The following TGM7 variants were observed in gnomAD, a reference collection of about 807,000 sequenced individuals.
TGM7 encodes transglutaminase 7, also known as protein-glutamine gamma-glutamyltransferase Z.
Under a neutral mutation model 79.5 loss-of-function variants are expected in TGM7, and 74 were observed. The ratio of observed to expected loss-of-function variants is 0.93; its 90% confidence interval spans 0.77 to 1.13. The LOEUF (loss-of-function observed/expected upper bound fraction) is 1.13, where lower values mean the gene tolerates loss of function less well. Ranked by LOEUF, TGM7 falls within the 50% of genes most tolerant of loss-of-function variation. TGM7 has a pLI of 0.00. For missense variants in TGM7, 912 were observed against 905.9 expected (o/e 1.01, Z -0.09); for synonymous variants, 354 against 362.5 (o/e 0.98, Z 0.27).
At chr15:43,284,715 C>A (rs1596461153) in intron 7 of TGM7, 99 bp downstream of exon 7, 3 of 1,420,780 alleles carry the variant, frequency 2.1e-6, no homozygotes, top group Non-Finnish European at 3.0e-6. Context: ...ATGCTCAGGG[C>A]AATCTTGCAA....
intron 1 of TGM7, among the ~76,000 whole-genome samples, chr15:43,301,261 G>A (rs1030150138): frequency 6.6e-6 from 1 of 151,896 alleles, no homozygotes; most frequent in African/African-American, 2.4e-5. Flanking sequence ...GGGATTACAG[G>A]CCTGTGCCAC....
In TGM7 at chr15:43,292,946, G is replaced by T; in HGVS notation, c.202C>A (p.Pro68Thr). The T allele has an allele frequency of 6.2e-7, 1 of 1,613,264 alleles. No homozygotes were observed. Among genetic ancestry groups the T allele is most frequent in the Non-Finnish European group, 8.5e-7 (1 of 1,179,872 alleles). Residue 68 changes from proline to threonine, a missense_variant, in exon 3 of 13, where the codon CCG becomes ACG. Transcript: ENST00000452443. The part of the protein sequence containing the change: ...ITFVAETGPK[P>T]SELLGTRATF... Reference sequence around the variant, plus strand: ...GCTCGGGTCCCCAGCAGCTCTGACGGCTTGGGTCCTGTGTAGGAGAGAATG... The same window carrying T: ...GCTCGGGTCCCCAGCAGCTCTGACGTCTTGGGTCCTGTGTAGGAGAGAATG...
chr15:43,301,368 G>C (rs1377242387), intron 1 of TGM7, among the ~76,000 whole-genome samples: 1 of 150,762 alleles, frequency 6.6e-6, no homozygotes, highest in Non-Finnish European at 1.5e-5. Flanking sequence ...GGTGGCTCAT[G>C]CCTGTAATCC....
intron 9 of TGM7, 24 bp downstream of exon 9, chr15:43,281,820 T>A: frequency 6.2e-7 from 1 of 1,609,396 alleles, no homozygotes; most frequent in South Asian, 1.1e-5. Context: ...AAAGCAGCCC[T>A]TTCCCCAAAT....
intron 1 of TGM7, among the ~76,000 whole-genome samples, chr15:43,298,949 ATGATTCCAACT>A (rs1296651688): frequency 6.6e-6 from 1 of 151,994 alleles, no homozygotes; most frequent in Non-Finnish European, 1.5e-5. Context: ...CTCTTATCTG[ATGATTCCAACT>A]TGATTCCAAC....
intron 4 of TGM7, 122 bp downstream of exon 4, chr15:43,291,857 C>A (rs1596463785): frequency 2.9e-6 from 2 of 678,078 alleles, no homozygotes; most frequent in Non-Finnish European, 5.1e-6. Context: ...GCCCCTCACA[C>A]CCTCGCCTGT....
chr15:43,282,048 T>A lies in TGM7; in HGVS notation c.1147A>T (p.Arg383Trp). ...CCGPASVKAI[R>W]EGDVHLAYDT... is the part of the protein sequence containing the mutation. Reference sequence around the variant, plus strand: ...TAGGCCAGGTGGACATCCCCTTCCCTGATGGCCTTCACAGAGGCAGGGCCA... The same window carrying A: ...TAGGCCAGGTGGACATCCCCTTCCCAGATGGCCTTCACAGAGGCAGGGCCA... Residue 383 changes from arginine (R) to tryptophan (W), a missense_variant, in exon 9 of 13, where the codon AGG (arginine) becomes TGG (tryptophan). Arg to Trp is a moderately radical substitution (Grantham distance 101, BLOSUM62 -3). Transcript: ENST00000452443. The A allele has an allele frequency of 6.2e-7, 1 of 1,614,114 alleles. No individual in the cohort carries two copies. Among genetic ancestry groups the A allele is most frequent in the Non-Finnish European group, 8.5e-7 (1 of 1,180,002 alleles).
At chr15:43,279,516 T>G in intron 10 of TGM7, 109 bp downstream of exon 10, 2 of 1,348,608 alleles carry the variant, frequency 1.5e-6, no homozygotes, top group Non-Finnish European at 2.0e-6. Context: ...AATGTGTGTG[T>G]GTTGGAGGAA....
intron 1 of TGM7, among the ~76,000 whole-genome samples, chr15:43,294,313 C>T (rs1596464988): frequency 1.3e-5 from 2 of 152,296 alleles, no homozygotes; most frequent in East Asian, 3.9e-4. Context: ...TGTGTGTGCA[C>T]ACCTGGTACA....
Position 43,281,826 on chromosome 15 carries a change from C to T in TGM7, c.1351+18G>A. On this transcript the variant is annotated intron_variant, in intron 9 of 12. Transcript: ENST00000452443. ...AAGAAGCTTAAAGCAGCCCTTTCCC[C>T]AAATACCCGCCCAGCACCTTCTGGG... is the stretch of plus-strand genomic sequence containing the variant. The T allele has an allele frequency of 6.2e-7, 1 of 1,609,974 alleles. No individual in the cohort carries two copies. The highest frequency in any genetic ancestry group is 8.5e-7 in the Non-Finnish European group (1 of 1,176,488).
Position 43,287,347 on chromosome 15 carries a change from C to T in TGM7, c.798G>A (p.Trp266Ter), listed in dbSNP as rs991623014. 8 of 1,614,092 alleles carry T rather than the reference C, an allele frequency of 5.0e-6. 1 individual carries two copies. The South Asian group carries it at 8.8e-5, about 18-fold the overall frequency. ...WKGSVAILQQ[W>*]SARGGQPVKY... is the part of the protein sequence containing the mutation. ...TCACAGGCTGCCCGCCCCTGGCTGA[C>T]CACTGCTGTAGGATGGCCACACTGC... The change falls in exon 6 of 13, where the codon TGG becomes TGA. Residue 266 changes from tryptophan to a stop codon, truncating the protein, a stop_gained. Transcript: ENST00000452443. LOFTEE classifies it high-confidence loss of function.
chr15:43,298,368 G>A (rs1482484468), intron 1 of TGM7, among the ~76,000 whole-genome samples: 1 of 152,202 alleles, frequency 6.6e-6, no homozygotes, highest in Admixed American at 6.5e-5. Flanking sequence ...CCAAGACGCT[G>A]CTGCTTGATT....
chr15:43,301,860 G>C (rs1161541343), intron 1 of TGM7, among the ~76,000 whole-genome samples: 1 of 152,056 alleles, frequency 6.6e-6, no homozygotes, highest in Non-Finnish European at 1.5e-5. Context: ...GGACAAGGGA[G>C]AGGTCTAGGG....
At chr15:43,297,139 T>A (rs1026733013) in intron 1 of TGM7, among the ~76,000 whole-genome samples, 2 of 152,150 alleles carry the variant, frequency 1.3e-5, no homozygotes, top group Non-Finnish European at 2.9e-5. Context: ...AAATATATCC[T>A]GATGTATTAT....
chr15:43,288,888 C>A (rs2042950365), intron 4 of TGM7, among the ~76,000 whole-genome samples: 1 of 152,078 alleles, frequency 6.6e-6, no homozygotes, highest in African/African-American at 2.4e-5. Context: ...CATGCCACTG[C>A]ACTCCAGCCT....
chr15:43,282,602 A>G lies in TGM7; in HGVS notation c.1023T>C (p.Asn341=). The stretch of plus-strand genomic sequence containing the variant: ...GATCTTTCCGGATCATCCAGCACTC[A>G]TTCCAGACGTGGAAGTTCCTGCAGG... ...RDKIWNFHVW[N]ECWMIRKDLP... is the part of the protein sequence containing the mutation. The change falls in exon 8 of 13, where the codon AAT becomes AAC. Residue 341 remains asparagine, a synonymous_variant. Coordinates refer to ENST00000452443, the MANE Select transcript of TGM7 (RefSeq NM_052955.3). The G allele has an allele frequency of 6.3e-7, 1 of 1,598,064 alleles. No individual in the cohort carries two copies. Among genetic ancestry groups the G allele is most frequent in the Non-Finnish European group, 8.5e-7 (1 of 1,171,610 alleles).
At chr15:43,294,117 T>C (rs1439122144) in intron 1 of TGM7, among the ~76,000 whole-genome samples, 1 of 152,196 alleles carries the variant, frequency 6.6e-6, no homozygotes. Flanking sequence ...CCTTTTATCC[T>C]ACTGATATAA....
At chr15:43,278,228 G>C (rs535208680) in intron 11 of TGM7, among the ~76,000 whole-genome samples, 180 of 152,322 alleles carry the variant, frequency 1.2e-3, no homozygotes, top group South Asian at 2.1e-3. Context: ...ACTAGGCAGT[G>C]GGCAAGTCTT....
At position 43,302,238 on chromosome 15, in the gene TGM7, C is replaced by T; in HGVS notation, c.10+3G>A. On this transcript the variant is annotated splice_donor_region_variant and intron_variant, in intron 1 of 12. Coordinates refer to ENST00000452443, the MANE Select transcript of TGM7 (RefSeq NM_052955.3). ...AAAAGGTAAGTCGATTCCCAGTACT[C>T]ACCCTGATCCATCTCCCTCCTTCTC... The T allele has an allele frequency of 1.9e-6, 3 of 1,614,194 alleles. No homozygotes were observed. Among genetic ancestry groups the T allele is most frequent in the South Asian group, 1.1e-5 (1 of 91,076 alleles).
Sources: allele counts gnomAD v4.1 joint callset (sites outside exome capture counted in the v4.1 genomes callset), GRCh38; gene constraint gnomAD v4.1.1; transcripts MANE v1.5; gene names NCBI Gene and HGNC (gene_info 2026-07-23, HGNC 2026-07-21).